MDGA2: variants seen among roughly 807,000 people sequenced by gnomAD.
The protein encoded by MDGA2 is MAM domain containing glycosylphosphatidylinositol anchor 2.
MDGA2 carries 40 observed loss-of-function variants against 117.8 expected under a neutral mutation model. The ratio of observed to expected loss-of-function variants is 0.34; its 90% CI spans 0.26 to 0.44. MDGA2 has a LOEUF of 0.44. MDGA2 is among the 20% of genes least tolerant of loss of function. The pLI is 1.00. For missense variants in MDGA2, 1,123 were observed against 1,250.6 expected (o/e 0.90, Z 1.54); for synonymous variants, 452 against 439.0 (o/e 1.03, Z -0.37).
chr14:47,202,608 C>T (rs1885548753), intron 3 of MDGA2, among the ~76,000 whole-genome samples: 2 of 152,182 alleles, frequency 1.3e-5, no homozygotes, highest in South Asian at 2.1e-4. Context: ...AATAACTATA[C>T]AGGCCCTGAC....
chr14:47,225,405 C>T (rs899614276), intron 2 of MDGA2, among the ~76,000 whole-genome samples: 1 of 151,954 alleles, frequency 6.6e-6, no homozygotes, highest in Non-Finnish European at 1.5e-5. Context: ...AGACTTGGAA[C>T]CAACCCAAAT....
chr14:47,485,188 C>A (rs899182207), intron 1 of MDGA2, among the ~76,000 whole-genome samples: 3 of 152,054 alleles, frequency 2.0e-5, no homozygotes, highest in African/African-American at 7.2e-5. Flanking sequence ...GTGATATGAA[C>A]AATAAGGTCC....
chr14:47,277,794 G>A (rs1368103206), intron 2 of MDGA2, among the ~76,000 whole-genome samples: 1 of 152,186 alleles, frequency 6.6e-6, no homozygotes, highest in Non-Finnish European at 1.5e-5. Context: ...TCTCTTGAAT[G>A]TCTTGGTAAC....
chr14:47,240,044 C>T (rs1231950751), intron 2 of MDGA2, among the ~76,000 whole-genome samples: 1 of 151,474 alleles, frequency 6.6e-6, no homozygotes, highest in African/African-American at 2.4e-5. Context: ...TGGTTAGAAA[C>T]AGTTTTTGCT....
intron 8 of MDGA2, among the ~76,000 whole-genome samples, chr14:47,002,501 G>T (rs1887567439): frequency 6.6e-6 from 1 of 152,060 alleles, no homozygotes; most frequent in Non-Finnish European, 1.5e-5. Flanking sequence ...GCCAAGGTGG[G>T]TGGATCACCT....
At chr14:47,135,101 T>C (rs1882390022) in intron 4 of MDGA2, among the ~76,000 whole-genome samples, 1 of 152,074 alleles carries the variant, frequency 6.6e-6, no homozygotes, top group South Asian at 2.1e-4. Flanking sequence ...ATGATGATGA[T>C]CTCTTGTTAA....
At chr14:47,445,699 A>G (rs1021978768) in intron 1 of MDGA2, among the ~76,000 whole-genome samples, 3 of 152,182 alleles carry the variant, frequency 2.0e-5, no homozygotes, top group Non-Finnish European at 4.4e-5. Flanking sequence ...AGGGACAGCA[A>G]TAAGAAATAG....
chr14:47,059,406 T>C (rs1394716011), intron 7 of MDGA2: 5 of 914,434 alleles, frequency 5.5e-6, no homozygotes, highest in South Asian at 2.9e-5. Flanking sequence ...AAATTAATGA[T>C]AGTTAGGAAA....
intron 1 of MDGA2, among the ~76,000 whole-genome samples, chr14:47,375,098 A>T (rs541445161): frequency 4.0e-5 from 6 of 151,602 alleles, no homozygotes; most frequent in South Asian, 2.1e-4. Flanking sequence ...AATTTTTTTA[A>T]AATTTTTTAG....
At chr14:47,283,924 T>C (rs1456003471) in intron 2 of MDGA2, among the ~76,000 whole-genome samples, 2 of 152,106 alleles carry the variant, frequency 1.3e-5, no homozygotes, top group African/African-American at 4.8e-5. Context: ...AGCTGGAAAG[T>C]ATGCAAATCC....
intron 1 of MDGA2, among the ~76,000 whole-genome samples, chr14:47,647,492 G>C (rs1178783719): frequency 6.6e-6 from 1 of 152,034 alleles, no homozygotes; most frequent in Non-Finnish European, 1.5e-5. Flanking sequence ...CTCAGGGACT[G>C]AATGTCATAA....
intron 3 of MDGA2, among the ~76,000 whole-genome samples, chr14:47,176,078 G>T (rs1311646656): frequency 6.6e-6 from 1 of 152,106 alleles, no homozygotes; most frequent in Admixed American, 6.6e-5. Context: ...AAATACCCAG[G>T]AATCCAACTT....
chr14:47,244,914 T>G (rs1887187868), intron 2 of MDGA2, among the ~76,000 whole-genome samples: 1 of 151,850 alleles, frequency 6.6e-6, no homozygotes, highest in African/African-American at 2.4e-5. Flanking sequence ...CTCTTCCTCC[T>G]CAGCCTACTC....
intron 5 of MDGA2, among the ~76,000 whole-genome samples, chr14:47,109,037 T>C (rs1880893757): frequency 6.6e-6 from 1 of 152,162 alleles, no homozygotes; most frequent in South Asian, 2.1e-4. Flanking sequence ...CCTGGCAAAC[T>C]TGGTCTCATT....
intron 1 of MDGA2, among the ~76,000 whole-genome samples, chr14:47,335,139 G>T (rs1890402324): frequency 1.3e-5 from 2 of 151,614 alleles, no homozygotes; most frequent in Admixed American, 1.3e-4. Flanking sequence ...TCTTTAGAAT[G>T]ATGAGGTTCA....
chr14:47,275,167 A>C (rs895035059), intron 2 of MDGA2, among the ~76,000 whole-genome samples: 85 of 152,280 alleles, frequency 5.6e-4, no homozygotes, highest in Non-Finnish European at 1.2e-4. Context: ...AGTAAGAAGG[A>C]ACAAATCAAG....
chr14:47,457,408 C>T lies in MDGA2; in HGVS notation c.281-155858G>A, dbSNP rs940627093. Among the ~76,000 whole-genome samples, 3 of 152,080 alleles carry T rather than the reference C, an allele frequency of 2.0e-5. No individual in the cohort carries two copies. In the East Asian group the frequency reaches 5.8e-4, roughly 29 times the overall value. Reference sequence around the variant, plus strand: ...GAAATACACTAGTACAAACTCATTACCCTTCGTAAATTAAAATACAATTGA... The same window carrying T: ...GAAATACACTAGTACAAACTCATTATCCTTCGTAAATTAAAATACAATTGA... On this transcript the variant is annotated intron_variant, in intron 1 of 16. Coordinates refer to ENST00000399232, the MANE Select transcript of MDGA2 (RefSeq NM_001113498.3).
At chr14:47,103,207 G>A (rs1169682813) in intron 5 of MDGA2, among the ~76,000 whole-genome samples, 1 of 152,148 alleles carries the variant, frequency 6.6e-6, no homozygotes, top group African/African-American at 2.4e-5. Flanking sequence ...AGAGAAACAT[G>A]CTTAAACTGT....
intron 1 of MDGA2, among the ~76,000 whole-genome samples, chr14:47,582,030 T>G (rs1433963958): frequency 6.6e-6 from 1 of 151,926 alleles, no homozygotes; most frequent in Admixed American, 6.6e-5. Flanking sequence ...ATAATAATAT[T>G]ATCTATCTCA....
Sources: gnomAD v4.1 joint callset for allele counts (sites outside exome capture counted in the v4.1 genomes callset) on GRCh38, gnomAD v4.1.1 for gene constraint, MANE v1.5 for transcripts, NCBI Gene and HGNC (gene_info 2026-07-23, HGNC 2026-07-21) for gene names.